The following SLC13A2 variants were observed in gnomAD, a reference collection of about 807,000 sequenced individuals.
SLC13A2 encodes the protein solute carrier family 13 member 2, also known as Na(+)-coupled citrate transporter.
In SLC13A2, 40 loss-of-function variants were observed where a neutral mutation model predicts 58.5. The ratio of observed to expected loss-of-function variants is 0.68; its 90% CI spans 0.53 to 0.89. SLC13A2 has a LOEUF of 0.89. Ranked by LOEUF, SLC13A2 falls within the 40% of genes least tolerant of loss-of-function variation. The pLI is 0.00. For synonymous variants in SLC13A2, 341 were observed against 331.6 expected (o/e 1.03, Z -0.31); for missense variants, 694 against 772.6 (o/e 0.90, Z 1.21).
intron 1 of SLC13A2, among the ~76,000 whole-genome samples, chr17:28,488,243 C>T (rs1287700585): frequency 3.3e-5 from 5 of 152,116 alleles, no homozygotes; most frequent in African/African-American, 7.2e-5. Flanking sequence ...TTAGCCTGTA[C>T]GAGGTGGAGA....
chr17:28,491,378 C>T, intron 4 of SLC13A2, 59 bp from the exon 5 acceptor site: 3 of 1,582,968 alleles, frequency 1.9e-6, no homozygotes, highest in South Asian at 1.1e-5. Context: ...GCAGCCCTGG[C>T]CCCGTTCCCC....
In SLC13A2 at chr17:28,497,302, C is replaced by T. The variant is rs2069166072; in HGVS notation, c.*33C>T. On this transcript the variant is annotated 3_prime_UTR_variant, in exon 12 of 12. Coordinates refer to ENST00000314669, the MANE Select transcript of SLC13A2 (RefSeq NM_003984.4). Reference sequence around the variant, plus strand: ...CACAGCCTGGCCATGCCCAGGAAGACCCACCCCATTCCCACTCCTCTGAGC... The same window carrying T: ...CACAGCCTGGCCATGCCCAGGAAGATCCACCCCATTCCCACTCCTCTGAGC... The T allele has an allele frequency of 6.3e-7, 1 of 1,591,776 alleles. No individual in the cohort carries two copies. The highest frequency in any genetic ancestry group is 8.6e-7 in the Non-Finnish European group (1 of 1,166,322).
Position 28,496,984 on chromosome 17 carries a change from C to T in SLC13A2, c.1609-115C>T, listed in dbSNP as rs1318761253. 5.5e-6 allele frequency: 6 copies of T among 1,100,212 alleles called. No individual in the cohort carries two copies. The highest frequency in any genetic ancestry group is 8.1e-6 in the Non-Finnish European group (6 of 745,258). The allele number at this position is 1,100,212 out of a possible 1,614,324, so 68.2% of individuals were successfully genotyped here. On this transcript the variant is annotated intron_variant, in intron 11 of 11. Coordinates refer to ENST00000314669, the MANE Select transcript of SLC13A2 (RefSeq NM_003984.4). This position sits in a 1 kb window ranked among gnomAD's most constrained non-coding sequence, Gnocchi z 4.2. ...GCTGCAGGTTAGACCAACGGGAGGACTTCCCAGAGAGAATTTTGCTGGTAG... is the reference window on the plus strand; with the variant it reads ...GCTGCAGGTTAGACCAACGGGAGGATTTCCCAGAGAGAATTTTGCTGGTAG...
intron 6 of SLC13A2, among the ~76,000 whole-genome samples, chr17:28,492,858 A>G (rs561085676): frequency 1.3e-5 from 2 of 152,356 alleles, no homozygotes; most frequent in Admixed American, 1.3e-4. Context: ...CTGCCCAGGC[A>G]GTGGAGAGCC....
chr17:28,490,318 A>G, intron 2 of SLC13A2, 136 bp from the exon 3 acceptor site: 1 of 1,603,170 alleles, frequency 6.2e-7, no homozygotes, highest in East Asian at 2.2e-5. Flanking sequence ...TCATTCAGAG[A>G]CCATTTCCAT....
intron 1 of SLC13A2, among the ~76,000 whole-genome samples, chr17:28,487,180 G>A (rs553116545): frequency 1.8e-4 from 28 of 152,130 alleles, no homozygotes; most frequent in Non-Finnish European, 1.5e-4. Context: ...GCCACAGGAA[G>A]TGGCAGGCCC....
At chr17:28,489,454 T>C in intron 2 of SLC13A2, 112 bp downstream of exon 2, 1 of 1,279,030 alleles carries the variant, frequency 7.8e-7, no homozygotes, top group African/African-American at 1.5e-5. Flanking sequence ...GCACATGGAT[T>C]AGGGGTTCCT....
intron 1 of SLC13A2, among the ~76,000 whole-genome samples, chr17:28,476,992 A>AT (rs1555600051): frequency 2.0e-5 from 3 of 147,788 alleles, no homozygotes; most frequent in African/African-American, 5.3e-5. Context: ...CCCCGTCTCT[A>AT]TAAAAAAAAA....
chr17:28,477,801 A>G (rs539170053), intron 1 of SLC13A2, among the ~76,000 whole-genome samples: 30 of 135,378 alleles, frequency 2.2e-4, no homozygotes, highest in African/African-American at 7.4e-4. Context: ...CTGTAATCCC[A>G]GCACTTTGGG....
At chr17:28,476,736 T>A (rs550998620) in intron 1 of SLC13A2, among the ~76,000 whole-genome samples, 19 of 152,310 alleles carry the variant, frequency 1.2e-4, no homozygotes, top group Admixed American at 5.2e-4. Flanking sequence ...CTCTCTGAAA[T>A]CATCTATTTG....
Position 28,494,371 on chromosome 17 carries a change from C to T in SLC13A2, c.1187-20C>T. The stretch of plus-strand genomic sequence containing the variant: ...CCTGTTTGTTCTTTGGTGACCCATC[C>T]TTCTCTGCTTGGGAAGTAGAAAACC... On this transcript the variant is annotated intron_variant, in intron 8 of 11. Transcript: ENST00000314669. This position sits in a 1 kb window ranked among gnomAD's most constrained non-coding sequence, Gnocchi z 4.0. 6.2e-7 allele frequency: 1 copy of T among 1,614,200 alleles called. No homozygotes were observed. Among genetic ancestry groups the T allele is most frequent in the South Asian group, 1.1e-5 (1 of 91,068 alleles).
Position 28,485,086 on chromosome 17 carries a change from C to T in SLC13A2, c.103-4128C>T, listed in dbSNP as rs539107970. Among the ~76,000 whole-genome samples the T allele has an allele frequency of 3.4e-3, 521 of 152,322 alleles. 1 individual carries two copies. The highest frequency in any genetic ancestry group is 4.9e-3 in the Non-Finnish European group (336 of 68,020). The stretch of plus-strand genomic sequence containing the variant: ...TAAACAGATCTTGAGAGGAGAGTAG[C>T]TGCTACAGTCAAGGAACAGAGCTGG... On this transcript the variant is annotated intron_variant, in intron 1 of 11. Coordinates refer to ENST00000314669, the MANE Select transcript of SLC13A2 (RefSeq NM_003984.4).
Position 28,494,572 on chromosome 17 carries a change from A to G in SLC13A2, c.1308+60A>G, listed in dbSNP as rs1597893293. 12 of 1,605,982 alleles carry G rather than the reference A, an allele frequency of 7.5e-6. No homozygotes were observed. The highest frequency in any genetic ancestry group is 9.4e-6 in the Non-Finnish European group (11 of 1,175,970). On this transcript the variant is annotated intron_variant, in intron 9 of 11. Coordinates refer to ENST00000314669, the MANE Select transcript of SLC13A2 (RefSeq NM_003984.4). This position sits in a 1 kb window ranked among gnomAD's most constrained non-coding sequence, Gnocchi z 4.0. ...GAGGGTGTCTCTGTGGCAGGGAGAG[A>G]GGGGGCCCTGCTTCTGTCCCACAGA...
chr17:28,477,280 G>A lies in SLC13A2; in HGVS notation c.102+3466G>A, dbSNP rs567368935. ...ACAATCTTGGCTCACTGCAAGCTCC[G>A]CCTCCCAGGTTCATGCCATTCTCCT... On this transcript the variant is annotated intron_variant, in intron 1 of 11. Transcript: ENST00000314669. 4.5e-5 allele frequency among the ~76,000 whole-genome samples: 6 copies of A among 134,722 alleles called. 1 individual carries two copies. The highest frequency in any genetic ancestry group is 5.0e-4 in the South Asian group (2 of 4,000). The allele number at this position is 134,722 out of a possible 152,430, so 88.4% of individuals were successfully genotyped here.
chr17:28,493,116 G>A, intron 6 of SLC13A2, among the ~76,000 whole-genome samples: 1 of 152,210 alleles, frequency 6.6e-6, no homozygotes, highest in South Asian at 2.1e-4. Flanking sequence ...AGTTAAGTCA[G>A]CAGCAGAAGG....
chr17:28,484,396 C>A (rs772408499), intron 1 of SLC13A2, among the ~76,000 whole-genome samples: 3 of 152,104 alleles, frequency 2.0e-5, no homozygotes, highest in Non-Finnish European at 2.9e-5. Flanking sequence ...AAATCGTGTG[C>A]AGAGGCCCTG....
rs782044785 is a variant in SLC13A2, at chr17:28,490,556, C to T, written c.334C>T (p.Arg112Cys). The change falls in exon 3 of 12, where the codon CGT (arginine) becomes TGT (cysteine). Residue 112 changes from arginine to cysteine, a missense_variant. Coordinates refer to ENST00000314669, the MANE Select transcript of SLC13A2 (RefSeq NM_003984.4). Reference sequence around the variant, plus strand: ...GAACCTGCATAAACGCATCGCCCTCCGTGTCCTCCTCATCGTTGGGGTGCG... The same window carrying T: ...GAACCTGCATAAACGCATCGCCCTCTGTGTCCTCCTCATCGTTGGGGTGCG... The part of the protein sequence containing the change: ...HWNLHKRIAL[R>C]VLLIVGVRPA... The T allele has an allele frequency of 6.6e-5, 106 of 1,609,684 alleles. No individual in the cohort carries two copies. Among genetic ancestry groups the T allele is most frequent in the Non-Finnish European group, 7.5e-5 (88 of 1,176,612 alleles).
rs1555604473 is a variant in SLC13A2, at chr17:28,495,643, C to A, written c.1309-12C>A. ...GCCTTGCCTCTCACATGCCATCCTC[C>A]TCTGCCCACAGCGATCGGGCCTGTC... On this transcript the variant is annotated splice_polypyrimidine_tract_variant and intron_variant, in intron 9 of 11. Coordinates refer to ENST00000314669, the MANE Select transcript of SLC13A2 (RefSeq NM_003984.4). 6.2e-7 allele frequency: 1 copy of A among 1,606,228 alleles called. No individual in the cohort carries two copies. The highest frequency in any genetic ancestry group is 1.7e-5 in the Admixed American group (1 of 59,946).
chr17:28,490,401 C>T, intron 2 of SLC13A2, 53 bp from the exon 3 acceptor site: 1 of 1,614,044 alleles, frequency 6.2e-7, no homozygotes, highest in Non-Finnish European at 8.5e-7. Context: ...CTCGGGGGCA[C>T]CGTGGGAGAC....
Sources: allele counts gnomAD v4.1 joint callset (sites outside exome capture counted in the v4.1 genomes callset), GRCh38; gene constraint gnomAD v4.1.1; non-coding constraint Gnocchi (gnomAD v3.1); transcripts MANE v1.5; gene names NCBI Gene and HGNC (gene_info 2026-07-23, HGNC 2026-07-21).